PKN2: variants seen among roughly 807,000 people sequenced by gnomAD.
PKN2 encodes the protein serine/threonine-protein kinase N2.
In PKN2, 38 loss-of-function variants were observed where a neutral mutation model predicts 119.1. That is an observed-to-expected ratio of 0.32 (90% confidence interval 0.25 to 0.42). The LOEUF is 0.42. Ranked by LOEUF, PKN2 falls within the 10% of genes least tolerant of loss-of-function variation. The probability of loss-of-function intolerance (pLI) is 1.00; values close to 1 mark genes in which losing one functional copy is unlikely to be tolerated. For missense variants in PKN2, 850 were observed against 1,165.1 expected (o/e 0.73, Z 3.94); for synonymous variants, 390 against 384.9 (o/e 1.01, Z -0.15).
intron 6 of PKN2, among the ~76,000 whole-genome samples, chr1:88,777,743 G>C (rs369226874): frequency 1.2e-4 from 19 of 152,242 alleles, no homozygotes; most frequent in East Asian, 3.9e-4. Flanking sequence ...AGTTCAGGTC[G>C]TGCTGGGAAT....
intron 8 of PKN2, among the ~76,000 whole-genome samples, chr1:88,790,730 A>G (rs1214865659): frequency 6.6e-6 from 1 of 151,926 alleles, no homozygotes; most frequent in Non-Finnish European, 1.5e-5. Context: ...GATCCAATAA[A>G]TTTCCTTGAG....
At chr1:88,745,176 C>T (rs305219) in intron 2 of PKN2, among the ~76,000 whole-genome samples, 108,545 of 152,166 alleles carry the variant, frequency 0.71, 39,741 homozygotes, top group African/African-American at 0.88. Flanking sequence ...GGTGAAAAGC[C>T]GAAAGCTTTT....
At chr1:88,795,861 A>G in intron 8 of PKN2, among the ~76,000 whole-genome samples, 1 of 152,198 alleles carries the variant, frequency 6.6e-6, no homozygotes, top group East Asian at 1.9e-4. Flanking sequence ...AGATTGACTT[A>G]TGTACTGGAG....
chr1:88,731,418 G>T (rs963803432), intron 1 of PKN2, among the ~76,000 whole-genome samples: 5 of 152,178 alleles, frequency 3.3e-5, no homozygotes, highest in African/African-American at 4.8e-5. Flanking sequence ...TCAAGATGTA[G>T]TTCAAATATA....
At chr1:88,735,861 A>C (rs917460623) in intron 1 of PKN2, among the ~76,000 whole-genome samples, 6 of 151,818 alleles carry the variant, frequency 4.0e-5, no homozygotes, top group African/African-American at 1.2e-4. Context: ...GTACCTGGAT[A>C]ATTTGTATCT....
chr1:88,684,589 C>T lies in PKN2; in HGVS notation c.9C>T (p.Ser3=). 6.4e-7 allele frequency: 1 copy of T among 1,559,838 alleles called. No homozygotes were observed. The highest frequency in any genetic ancestry group is 8.7e-7 in the Non-Finnish European group (1 of 1,153,222). ...GTCCATACCGGAGCGCAATGGCGTC[C>T]AACCCCGAACGGGGGGAGATTCTGC... MA[S]NPERGEILLT... Residue 3 remains serine (S), a synonymous_variant, in exon 1 of 22, where the codon TCC becomes TCT. Coordinates refer to ENST00000370521, the MANE Select transcript of PKN2 (RefSeq NM_006256.4).
chr1:88,797,334 T>TAA (rs1305618821), intron 8 of PKN2, among the ~76,000 whole-genome samples: 4 of 126,350 alleles, frequency 3.2e-5, no homozygotes, highest in Admixed American at 1.7e-4. Flanking sequence ...AACTCTATCT[T>TAA]AAAAAAAAAA....
chr1:88,806,718 T>C (rs1671557097), intron 12 of PKN2, among the ~76,000 whole-genome samples: 1 of 151,988 alleles, frequency 6.6e-6, no homozygotes. Context: ...TTTTCATTGT[T>C]TTGGTTTTGT....
At chr1:88,729,151 C>T (rs993285046) in intron 1 of PKN2, among the ~76,000 whole-genome samples, 2 of 152,190 alleles carry the variant, frequency 1.3e-5, no homozygotes, top group Non-Finnish European at 2.9e-5. Flanking sequence ...GCCTCGTCCT[C>T]CCAAAGTGTT....
chr1:88,825,040 C>T (rs1474802922), intron 18 of PKN2, among the ~76,000 whole-genome samples: 1 of 152,234 alleles, frequency 6.6e-6, no homozygotes, highest in African/African-American at 2.4e-5. Context: ...TCCCTCTGCA[C>T]TGGTGGCTTC....
chr1:88,828,963 C>G (rs1193495897), intron 19 of PKN2: 1 of 636,406 alleles, frequency 1.6e-6, no homozygotes, highest in Non-Finnish European at 3.0e-6. Flanking sequence ...AAAGAAAAGC[C>G]CACTATAGAT....
intron 1 of PKN2, among the ~76,000 whole-genome samples, chr1:88,733,503 G>T (rs948444616): frequency 1.3e-5 from 2 of 152,084 alleles, no homozygotes; most frequent in Non-Finnish European, 2.9e-5. Context: ...AAATGTCTAT[G>T]TAGGCCTTTT....
At chr1:88,739,497 A>G (rs576462817) in intron 1 of PKN2, among the ~76,000 whole-genome samples, 47 of 152,290 alleles carry the variant, frequency 3.1e-4, no homozygotes, top group African/African-American at 9.6e-4. Context: ...ACTTGCATCA[A>G]CTTATTTATA....
Position 88,804,503 on chromosome 1 carries a change from A to G in PKN2, c.1394A>G (p.Tyr465Cys). Residue 465 changes from tyrosine to cysteine, a missense_variant, in exon 9 of 22, where the codon TAT (tyrosine) becomes TGT (cysteine). Coordinates refer to ENST00000370521, the MANE Select transcript of PKN2 (RefSeq NM_006256.4). ...LDNQRHGMCL[Y>C]LEPQGTLFAE... ...AACCAACGGCATGGCATGTGTCTCT[A>G]TTTGGAACCACAGGGTACTTTATTT... is the stretch of plus-strand genomic sequence containing the variant. The G allele has an allele frequency of 1.2e-6, 2 of 1,613,514 alleles. No homozygotes were observed. The highest frequency in any genetic ancestry group is 1.3e-5 in the African/African-American group (1 of 74,966).
intron 1 of PKN2, among the ~76,000 whole-genome samples, chr1:88,690,788 G>A (rs1287730458): frequency 6.6e-6 from 1 of 151,968 alleles, no homozygotes; most frequent in African/African-American, 2.4e-5. Context: ...AGAAAGCATG[G>A]GACAGTGTAC....
chr1:88,703,260 A>G (rs1003446477), intron 1 of PKN2, among the ~76,000 whole-genome samples: 2 of 151,952 alleles, frequency 1.3e-5, no homozygotes, highest in African/African-American at 2.4e-5. Flanking sequence ...GTTTTGTTTT[A>G]TGTTAATTCT....
intron 1 of PKN2, among the ~76,000 whole-genome samples, chr1:88,691,760 T>A (rs71666203): frequency 0.11 from 16,704 of 152,210 alleles, 1,152 homozygotes; most frequent in Middle Eastern, 0.19. Flanking sequence ...TTACCCATGG[T>A]CAACTGTGGT....
intron 1 of PKN2, among the ~76,000 whole-genome samples, chr1:88,694,343 G>A (rs944831075): frequency 2.0e-5 from 3 of 152,010 alleles, no homozygotes; most frequent in African/African-American, 7.3e-5. Flanking sequence ...TGTGCGTTTG[G>A]GAAAATCTCA....
At position 88,741,306 on chromosome 1, in the gene PKN2, T is replaced by A. The variant is rs769465915; in HGVS notation, c.349+18T>A. Reference sequence around the variant, plus strand: ...TATTACAGGTATAGTAGTGCTTTATTTGATGTTTATATGGTATATTAATAA... The same window carrying A: ...TATTACAGGTATAGTAGTGCTTTATATGATGTTTATATGGTATATTAATAA... On this transcript the variant is annotated intron_variant, in intron 2 of 21. Transcript: ENST00000370521. The A allele has an allele frequency of 6.9e-7, 1 of 1,451,498 alleles. No homozygotes were observed. The highest frequency in any genetic ancestry group is 9.2e-7 in the Non-Finnish European group (1 of 1,082,066). 89.9% of individuals were successfully genotyped at this position (1,451,498 alleles called of 1,614,324 possible). A position where few individuals can be genotyped will look rare whatever the true frequency, so the allele number is the denominator to read the frequency against.
Sources: gnomAD v4.1 joint callset for allele counts (sites outside exome capture counted in the v4.1 genomes callset) on GRCh38, gnomAD v4.1.1 for gene constraint, MANE v1.5 for transcripts, NCBI Gene and HGNC (gene_info 2026-07-23, HGNC 2026-07-21) for gene names.